The following SPTBN1 variants were observed in gnomAD, a reference collection of about 807,000 sequenced individuals.
SPTBN1 encodes spectrin beta chain, non-erythrocytic 1.
In SPTBN1, 32 loss-of-function variants were observed where a neutral mutation model predicts 266.4. The observed-to-expected ratio is 0.12, with a 90% CI of 0.09 to 0.16. SPTBN1 has a LOEUF of 0.16. Among genes scored for constraint, SPTBN1 ranks in the 10% least tolerant of loss-of-function variants. The probability of loss-of-function intolerance (pLI) is 1.00; values close to 1 mark genes in which losing one functional copy is unlikely to be tolerated. For synonymous variants in SPTBN1, 1,336 were observed against 1,162.2 expected (o/e 1.15, Z -3.04); for missense variants, 2,296 against 3,067.1 (o/e 0.75, Z 5.94).
At chr2:54,643,684 C>T (rs990168635) in intron 19 of SPTBN1, among the ~76,000 whole-genome samples, 5 of 151,890 alleles carry the variant, frequency 3.3e-5, no homozygotes, top group Admixed American at 1.3e-4. Flanking sequence ...AGATTCTTCA[C>T]GGTTAAAATA....
At chr2:54,584,315 G>A (rs1169671832) in intron 2 of SPTBN1, among the ~76,000 whole-genome samples, 2 of 152,146 alleles carry the variant, frequency 1.3e-5, no homozygotes, top group African/African-American at 4.8e-5. Context: ...CTGTTTTGCT[G>A]TTGCTATTCT....
In SPTBN1 at chr2:54,472,022, G is replaced by T. The variant is rs1407333283; in HGVS notation, c.-48+15504G>T. On this transcript the variant is annotated intron_variant, in intron 1 of 35. Transcript: ENST00000356805. ...GAATAAAAACTGGGGCCCTGAAGAT[G>T]TTTTTTTTTTTTTTTTTTTTTTTGA... Among the ~76,000 whole-genome samples, 545 of 66,666 alleles carry T rather than the reference G, an allele frequency of 8.2e-3. 2 individuals are homozygous for T. Among genetic ancestry groups the T allele is most frequent in the Admixed American group, 0.012 (47 of 4,070 alleles). The allele number at this position is 66,666 out of a possible 152,430, so 43.7% of individuals were successfully genotyped here. A position where few individuals can be genotyped will look rare whatever the true frequency, so the allele number is the denominator to read the frequency against.
chr2:54,512,924 C>T (rs1037620249), intron 1 of SPTBN1, among the ~76,000 whole-genome samples: 1 of 152,204 alleles, frequency 6.6e-6, no homozygotes, highest in Admixed American at 6.5e-5. Context: ...ATAGGCTGGG[C>T]ACGGTGGCTT....
chr2:54,604,498 C>T (rs1221480367), intron 3 of SPTBN1, among the ~76,000 whole-genome samples: 1 of 152,132 alleles, frequency 6.6e-6, no homozygotes, highest in Non-Finnish European at 1.5e-5. Context: ...TGGGACAGAG[C>T]CAGTGCCCCA....
chr2:54,497,082 G>A (rs1669008266), intron 1 of SPTBN1, among the ~76,000 whole-genome samples: 2 of 152,198 alleles, frequency 1.3e-5, no homozygotes, highest in Non-Finnish European at 2.9e-5. Context: ...GGAACATGAA[G>A]ATACGAAATC....
rs528547742 is a variant in SPTBN1, at chr2:54,661,195, C to T, written c.6420+1196C>T. ...AGCTTTTAGGATGGTATCTATCAGG[C>T]CACCAGCAGGAATTGAAAATGTTTT... is the stretch of plus-strand genomic sequence containing the variant. On this transcript the variant is annotated intron_variant, in intron 32 of 35. Coordinates refer to ENST00000356805, the MANE Select transcript of SPTBN1 (RefSeq NM_003128.3). 6.1e-6 allele frequency: 6 copies of T among 985,434 alleles called. No individual in the cohort carries two copies. The African/African-American group carries it at 1.0e-4, about 17-fold the overall frequency. 61.0% of individuals were successfully genotyped at this position (985,434 alleles called of 1,614,324 possible). A position where few individuals can be genotyped will look rare whatever the true frequency, so the allele number is the denominator to read the frequency against.
chr2:54,547,884 C>T (rs536644024), intron 2 of SPTBN1, among the ~76,000 whole-genome samples: 1 of 152,312 alleles, frequency 6.6e-6, no homozygotes, highest in Admixed American at 6.5e-5. Context: ...GTGGCTCACA[C>T]CTGTAATCCC....
At chr2:54,630,164 C>T (rs1678637116) in intron 15 of SPTBN1, 135 bp downstream of exon 15, 6 of 1,182,156 alleles carry the variant, frequency 5.1e-6, no homozygotes, top group Non-Finnish European at 4.7e-6. Flanking sequence ...ATGGCATTGG[C>T]ACCTGCCTTT....
chr2:54,629,809 C>T lies in SPTBN1; in HGVS notation c.2669+6C>T, dbSNP rs776854525. ...CTGGAGGTCATCCAGCACAGGTGAG[C>T]GGGGCGCTGGTCAGCCACTGGCCTG... On this transcript the variant is annotated splice_donor_region_variant and intron_variant, in intron 14 of 35. Coordinates refer to ENST00000356805, the MANE Select transcript of SPTBN1 (RefSeq NM_003128.3). 7 of 1,608,878 alleles carry T rather than the reference C, an allele frequency of 4.4e-6. No individual in the cohort carries two copies. Among genetic ancestry groups the T allele is most frequent in the South Asian group, 2.2e-5 (2 of 90,708 alleles).
chr2:54,531,973 A>G (rs1671277440), intron 2 of SPTBN1, among the ~76,000 whole-genome samples: 1 of 152,132 alleles, frequency 6.6e-6, no homozygotes, highest in African/African-American at 2.4e-5. Context: ...GTAAAAATTT[A>G]AGACTTAGAT....
At chr2:54,654,342 A>G (rs1403518446) in intron 27 of SPTBN1, among the ~76,000 whole-genome samples, 1 of 152,070 alleles carries the variant, frequency 6.6e-6, no homozygotes, top group Non-Finnish European at 1.5e-5. Flanking sequence ...TTGGGTTATT[A>G]TTTAATATTT....
intron 26 of SPTBN1, among the ~76,000 whole-genome samples, chr2:54,650,843 C>A (rs1414287827): frequency 1.3e-5 from 2 of 152,220 alleles, no homozygotes; most frequent in African/African-American, 4.8e-5. Flanking sequence ...CAGAAACAGG[C>A]CACCCAGATA....
chr2:54,491,604 T>G (rs1171947691), intron 1 of SPTBN1, among the ~76,000 whole-genome samples: 2 of 148,452 alleles, frequency 1.3e-5, no homozygotes, highest in African/African-American at 2.5e-5. Flanking sequence ...TTTCTCTCTC[T>G]TTTTTTTTTG....
At chr2:54,667,060 G>C (rs1013652526) in intron 34 of SPTBN1, among the ~76,000 whole-genome samples, 1 of 152,186 alleles carries the variant, frequency 6.6e-6, no homozygotes, top group Non-Finnish European at 1.5e-5. Flanking sequence ...CCTCTCCGCA[G>C]CCACAGAGTG....
chr2:54,534,523 A>G (rs982422610), intron 2 of SPTBN1, among the ~76,000 whole-genome samples: 1 of 152,170 alleles, frequency 6.6e-6, no homozygotes, highest in African/African-American at 2.4e-5. Context: ...GTAGTCCTAG[A>G]TTATACCCTC....
chr2:54,597,580 T>G (rs143976888), intron 2 of SPTBN1, among the ~76,000 whole-genome samples: 142 of 152,328 alleles, frequency 9.3e-4, no homozygotes, highest in African/African-American at 3.2e-3. Context: ...TGGCCGGGGA[T>G]CTTGGCAGGT....
intron 2 of SPTBN1, among the ~76,000 whole-genome samples, chr2:54,565,194 T>C (rs1339714975): frequency 6.6e-6 from 1 of 152,198 alleles, no homozygotes; most frequent in Non-Finnish European, 1.5e-5. Flanking sequence ...TAGTCCCTTA[T>C]TGGATCATTT....
Position 54,617,597 on chromosome 2 carries a change from G to T in SPTBN1, c.567-11G>T. On this transcript the variant is annotated splice_polypyrimidine_tract_variant and intron_variant, in intron 5 of 35. Coordinates refer to ENST00000356805, the MANE Select transcript of SPTBN1 (RefSeq NM_003128.3). ...TTGTGTTGCTTTTCCCTTCTGCTTT[G>T]TCCTTGGCAGGTACCCCAATGTCAA... is the stretch of plus-strand genomic sequence containing the variant. 1 of 1,613,866 alleles carries T rather than the reference G, an allele frequency of 6.2e-7. No individual in the cohort carries two copies. Among genetic ancestry groups the T allele is most frequent in the Non-Finnish European group, 8.5e-7 (1 of 1,179,864 alleles).
intron 30 of SPTBN1, 116 bp downstream of exon 30, chr2:54,658,162 C>G: frequency 7.6e-7 from 1 of 1,320,006 alleles, no homozygotes; most frequent in Non-Finnish European, 1.0e-6. Context: ...GGGTTTTTTT[C>G]AAGTAGTGAA....
Sources: allele counts gnomAD v4.1 joint callset (sites outside exome capture counted in the v4.1 genomes callset), GRCh38; gene constraint gnomAD v4.1.1; transcripts MANE v1.5; gene names NCBI Gene and HGNC (gene_info 2026-07-23, HGNC 2026-07-21).